TNS1: variants seen among roughly 807,000 people sequenced by gnomAD.
The protein encoded by TNS1 is tensin-1.
TNS1 carries 62 observed loss-of-function variants against 168.6 expected under a neutral mutation model. The ratio of observed to expected loss-of-function variants is 0.37; its 90% confidence interval spans 0.30 to 0.45. The LOEUF is 0.45. Ranked by LOEUF, TNS1 falls within the 20% of genes least tolerant of loss-of-function variation. The pLI is 1.00. For missense variants in TNS1, 2,240 were observed against 2,339.4 expected (o/e 0.96, Z 0.88); for synonymous variants, 934 against 933.2 (o/e 1.00, Z -0.02).
upstream of TNS1, among the ~76,000 whole-genome samples, chr2:218,011,102 C>T (rs1374294660): frequency 6.6e-6 from 1 of 152,148 alleles, no homozygotes; most frequent in Non-Finnish European, 1.5e-5. Context: ...GAGCTGCAGC[C>T]GCCTGCTCTG....
chr2:217,945,074 G>C (rs1474711695), intron 3 of TNS1, among the ~76,000 whole-genome samples: 3 of 152,168 alleles, frequency 2.0e-5, no homozygotes, highest in Admixed American at 6.5e-5. Flanking sequence ...GGAAGTCCAA[G>C]CAGGACTGTG....
chr2:218,005,897 C>T (rs1227781181), upstream of TNS1, among the ~76,000 whole-genome samples: 3 of 152,348 alleles, frequency 2.0e-5, no homozygotes, highest in Non-Finnish European at 4.4e-5. Flanking sequence ...ATGCCCCATT[C>T]CCAAGCTCTA....
chr2:218,021,021 A>C (rs1958802438), intron 1 of TNS1, among the ~76,000 whole-genome samples: 1 of 152,242 alleles, frequency 6.6e-6, no homozygotes, highest in South Asian at 2.1e-4. Flanking sequence ...TAGAAAGAAC[A>C]TTCTGAGAAC....
chr2:217,945,270 T>G (rs1048389020), intron 3 of TNS1, among the ~76,000 whole-genome samples: 2 of 152,162 alleles, frequency 1.3e-5, no homozygotes, highest in Non-Finnish European at 2.9e-5. Flanking sequence ...CACACTAATT[T>G]TATTAATTCA....
intron 19 of TNS1, among the ~76,000 whole-genome samples, chr2:217,841,728 T>C (rs1945991959): frequency 6.6e-6 from 1 of 152,096 alleles, no homozygotes; most frequent in African/African-American, 2.4e-5. Flanking sequence ...CATCTTTTCC[T>C]GGGCACCTGC....
At chr2:217,809,333 A>G (rs1170031682) in intron 30 of TNS1, among the ~76,000 whole-genome samples, 1 of 78,620 alleles carries the variant, frequency 1.3e-5, no homozygotes, top group African/African-American at 5.7e-5. Context: ...GGATGGATGG[A>G]TGGATGGATG....
chr2:218,023,286 C>T (rs1438923302), intron 1 of TNS1, among the ~76,000 whole-genome samples: 2 of 152,170 alleles, frequency 1.3e-5, no homozygotes, highest in Non-Finnish European at 1.5e-5. Context: ...CAACTCTGCA[C>T]CAATAATGGA....
In TNS1 at chr2:217,803,906, C is replaced by T; in HGVS notation, c.*553G>A. The T allele has an allele frequency of 6.5e-6, 1 of 154,922 alleles. No individual in the cohort carries two copies. Among genetic ancestry groups the T allele is most frequent in the East Asian group, 1.9e-4 (1 of 5,216 alleles). The allele number at this position is 154,922 out of a possible 1,614,324, so 9.6% of individuals were successfully genotyped here. ...CCCACACGACAATATAGTGGAGGCA[C>T]AGCAAAGAGACCTGAGGTGCCTTGG... On this transcript the variant is annotated 3_prime_UTR_variant, in exon 33 of 33. Coordinates refer to ENST00000682258, the MANE Select transcript of TNS1 (RefSeq NM_001387777.1).
At chr2:217,993,715 A>G (rs1958418242) in intron 1 of TNS1, among the ~76,000 whole-genome samples, 1 of 152,230 alleles carries the variant, frequency 6.6e-6, no homozygotes, top group African/African-American at 2.4e-5. Context: ...CACTGGGACC[A>G]CTGGCGGGAC....
At position 217,817,682 on chromosome 2, in the gene TNS1, A is replaced by T; in HGVS notation, c.4642+8T>A. The T allele has an allele frequency of 2.5e-6, 4 of 1,576,422 alleles. No homozygotes were observed. The highest frequency in any genetic ancestry group is 3.5e-6 in the Non-Finnish European group (4 of 1,156,264). ...GGAGAGGTGAAAATGGAAGGGGGAG[A>T]GGCCCACCTGGCATGGAGTACTTGG... On this transcript the variant is annotated splice_region_variant and intron_variant, in intron 24 of 32. Coordinates refer to ENST00000682258, the MANE Select transcript of TNS1 (RefSeq NM_001387777.1).
At chr2:217,850,394 G>C (rs995022165) in intron 18 of TNS1, 2 of 985,220 alleles carry the variant, frequency 2.0e-6, no homozygotes, top group African/African-American at 1.7e-5. Flanking sequence ...CTTCATGGGG[G>C]AGAGGGTCCT....
chr2:217,834,338 C>T (rs1944876735), intron 21 of TNS1, among the ~76,000 whole-genome samples: 1 of 152,254 alleles, frequency 6.6e-6, no homozygotes, highest in South Asian at 2.1e-4. Flanking sequence ...TGAACAGCAC[C>T]AGTGTCTCCT....
chr2:217,842,198 T>A, intron 19 of TNS1: 1 of 696,326 alleles, frequency 1.4e-6, no homozygotes, highest in South Asian at 1.5e-5. Flanking sequence ...CATTGCCCAG[T>A]GCTATGCTTA....
At chr2:217,970,947 G>A (rs985826984) in intron 3 of TNS1, among the ~76,000 whole-genome samples, 1 of 151,970 alleles carries the variant, frequency 6.6e-6, no homozygotes, top group Non-Finnish European at 1.5e-5. Context: ...TCAACCCCAG[G>A]AAGCGCTATT....
At chr2:217,889,057 A>G (rs116819734) in intron 12 of TNS1, among the ~76,000 whole-genome samples, 3,916 of 152,340 alleles carry the variant, frequency 0.026, 110 homozygotes, top group Non-Finnish European at 0.032. Context: ...CAGTCAGCAG[A>G]CACACATGGC....
chr2:217,804,754 GA>G, intron 32 of TNS1, 151 bp from the exon 33 acceptor site: 1 of 997,068 alleles, frequency 1.0e-6, no homozygotes, highest in Non-Finnish European at 1.4e-6. Flanking sequence ...GAGAGGTGCA[GA>G]AGAGAATCCT....
intron 19 of TNS1, among the ~76,000 whole-genome samples, chr2:217,842,398 C>T (rs1162938369): frequency 6.6e-6 from 1 of 152,230 alleles, no homozygotes; most frequent in African/African-American, 2.4e-5. Context: ...CAATAAAGAG[C>T]AACTCCATTC....
chr2:218,015,307 T>C (rs577821275), upstream of TNS1, among the ~76,000 whole-genome samples: 88 of 151,630 alleles, frequency 5.8e-4, no homozygotes, highest in African/African-American at 2.1e-3. Flanking sequence ...GGCTTTTCCA[T>C]AGCACAGCCT....
At chr2:217,827,729 T>C (rs1037780443) in intron 22 of TNS1, among the ~76,000 whole-genome samples, 3 of 152,214 alleles carry the variant, frequency 2.0e-5, no homozygotes, top group Non-Finnish European at 2.9e-5. Flanking sequence ...GTGACAACGA[T>C]GGGTGTGGCT....
Sources: allele counts gnomAD v4.1 joint callset (sites outside exome capture counted in the v4.1 genomes callset), GRCh38; gene constraint gnomAD v4.1.1; transcripts MANE v1.5; gene names NCBI Gene and HGNC (gene_info 2026-07-23, HGNC 2026-07-21).